Variants in PKNOX1 observed in about 807,000 individuals in gnomAD.
PKNOX1 encodes PBX/knotted 1 homeobox 1, also known as homeobox protein PKNOX1.
PKNOX1 carries 15 observed loss-of-function variants against 51.9 expected under a neutral mutation model. That is an observed-to-expected ratio of 0.29 (90% confidence interval 0.19 to 0.45). The LOEUF is 0.45. Ranked by LOEUF, PKNOX1 falls within the 20% of genes least tolerant of loss-of-function variation. PKNOX1 has a pLI of 1.00. For synonymous variants in PKNOX1, 219 were observed against 211.1 expected (o/e 1.04, Z -0.32); for missense variants, 462 against 547.5 (o/e 0.84, Z 1.56).
intron 4 of PKNOX1, among the ~76,000 whole-genome samples, chr21:43,011,416 G>A (rs940743305): frequency 3.9e-5 from 6 of 152,144 alleles, no homozygotes; most frequent in African/African-American, 1.4e-4. Flanking sequence ...CCTCCCCCCA[G>A]GGCCAGGGCT....
chr21:43,010,332 G>A (rs1201856303), intron 4 of PKNOX1, 108 bp downstream of exon 4: 4 of 588,954 alleles, frequency 6.8e-6, no homozygotes, highest in East Asian at 2.9e-5. Flanking sequence ...CTAAAGGAGA[G>A]ACTCATACAA....
intron 1 of PKNOX1, among the ~76,000 whole-genome samples, chr21:42,977,537 CTTTTTTTTTT>C (rs3044504): frequency 1.5e-4 from 7 of 47,158 alleles, no homozygotes; most frequent in East Asian, 7.7e-4. Context: ...CTGCTTCCAA[CTTTTTTTTTT>C]TTTTTTTTTT....
intron 10 of PKNOX1, 136 bp downstream of exon 10, chr21:43,029,010 A>G (rs1250576995): frequency 7.3e-6 from 6 of 825,186 alleles, no homozygotes; most frequent in Non-Finnish European, 1.2e-5. Context: ...TTTCTCTGCA[A>G]CTAAAACATG....
At chr21:43,004,577 C>CA in intron 2 of PKNOX1, 145 bp downstream of exon 2, 1 of 499,246 alleles carries the variant, frequency 2.0e-6, no homozygotes. Context: ...CATTCGTGTT[C>CA]AGAAAAAAAG....
chr21:42,980,829 T>C (rs1000191057), intron 1 of PKNOX1, among the ~76,000 whole-genome samples: 2 of 152,214 alleles, frequency 1.3e-5, no homozygotes, highest in East Asian at 1.9e-4. Context: ...CTCCAGGGCT[T>C]ATTGTCTGCC....
intron 5 of PKNOX1, among the ~76,000 whole-genome samples, chr21:43,016,128 G>A (rs950874039): frequency 2.0e-5 from 3 of 152,182 alleles, no homozygotes; most frequent in Non-Finnish European, 2.9e-5. Flanking sequence ...CCTTGGGGTG[G>A]CGTCCCCTTA....
intron 1 of PKNOX1, 114 bp from the exon 2 acceptor site, chr21:43,004,211 TG>T (rs1978887983): frequency 1.9e-6 from 1 of 518,698 alleles, no homozygotes; most frequent in Non-Finnish European, 3.6e-6. Flanking sequence ...CACTCCAGCC[TG>T]GGCAACAAGA....
At chr21:43,028,039 G>A (rs1980058778) in intron 9 of PKNOX1, among the ~76,000 whole-genome samples, 1 of 152,260 alleles carries the variant, frequency 6.6e-6, no homozygotes, top group African/African-American at 2.4e-5. Flanking sequence ...GTCTGTCGGG[G>A]ATTTCATCAC....
At chr21:43,019,264 T>C (rs1979646834) in intron 7 of PKNOX1, among the ~76,000 whole-genome samples, 1 of 145,370 alleles carries the variant, frequency 6.9e-6, no homozygotes, top group Non-Finnish European at 1.5e-5. Context: ...GTCGGGTGCA[T>C]GTCTATAATC....
At chr21:43,018,595 C>A (rs1979618185) in intron 7 of PKNOX1, among the ~76,000 whole-genome samples, 1 of 150,988 alleles carries the variant, frequency 6.6e-6, no homozygotes, top group South Asian at 2.1e-4. Flanking sequence ...GCACACACTC[C>A]CCAGGGTCCC....
intron 1 of PKNOX1, among the ~76,000 whole-genome samples, chr21:42,981,683 C>T (rs2059026816): frequency 6.6e-6 from 1 of 152,078 alleles, no homozygotes; most frequent in Admixed American, 6.6e-5. Flanking sequence ...CCACAGCCCC[C>T]AAAGTAGCTG....
intron 1 of PKNOX1, among the ~76,000 whole-genome samples, chr21:42,976,923 C>T (rs2059000300): frequency 6.6e-6 from 1 of 152,192 alleles, no homozygotes; most frequent in South Asian, 2.1e-4. Flanking sequence ...AAATGTATTT[C>T]TTAAATAATT....
intron 1 of PKNOX1, among the ~76,000 whole-genome samples, chr21:42,990,385 A>T (rs923501001): frequency 6.6e-6 from 1 of 152,224 alleles, no homozygotes; most frequent in Non-Finnish European, 1.5e-5. Flanking sequence ...CATCCTTAGC[A>T]AGTGAAAAAA....
At chr21:42,981,553 TTTAATTTTAA>T (rs151212889) in intron 1 of PKNOX1, among the ~76,000 whole-genome samples, 5,774 of 152,190 alleles carry the variant, frequency 0.038, 139 homozygotes, top group Middle Eastern at 0.062. Flanking sequence ...ATTTATTTTA[TTTAATTTTAA>T]TTTTATTTTA....
Position 43,007,624 on chromosome 21 carries a change from GC to G in PKNOX1, c.179+9del, listed in dbSNP as rs778662682. On this transcript the variant is annotated splice_region_variant and intron_variant, in intron 3 of 10. Transcript: ENST00000291547. The stretch of plus-strand genomic sequence containing the variant: ...GACAAGCAGGCCATTTATAGGTAGT[GC>G]CCGGGGTGCCGGCTGTGGGGGCCTC... 1 of 1,614,080 alleles carries G rather than the reference GC, an allele frequency of 6.2e-7. No homozygotes were observed. The highest frequency in any genetic ancestry group is 1.1e-5 in the South Asian group (1 of 91,076).
intron 1 of PKNOX1, among the ~76,000 whole-genome samples, chr21:42,977,355 C>T (rs1488375857): frequency 6.6e-6 from 1 of 152,106 alleles, no homozygotes; most frequent in Non-Finnish European, 1.5e-5. Flanking sequence ...CAAAGGAAGT[C>T]TTTTGTCTAT....
intron 2 of PKNOX1, among the ~76,000 whole-genome samples, chr21:43,006,586 A>G (rs998376278): frequency 6.6e-6 from 1 of 152,232 alleles, no homozygotes; most frequent in Non-Finnish European, 1.5e-5. Flanking sequence ...TCTTATTGCA[A>G]AAACAAGACA....
chr21:43,007,400 A>G lies in PKNOX1; in HGVS notation c.52-91A>G, dbSNP rs561646382. 34 of 1,207,938 alleles carry G rather than the reference A, an allele frequency of 2.8e-5. No individual in the cohort carries two copies. The African/African-American group carries it at 4.2e-4, about 15-fold the overall frequency. 74.8% of individuals were successfully genotyped at this position (1,207,938 alleles called of 1,614,324 possible). ...ATTGCAGTCATACTGCTGTCTGGCA[A>G]TTCCCCACTCCAACTGCATTCCTGT... On this transcript the variant is annotated intron_variant, in intron 2 of 10. Coordinates refer to ENST00000291547, the MANE Select transcript of PKNOX1 (RefSeq NM_004571.5).
At chr21:42,992,531 C>T (rs956364667) in intron 1 of PKNOX1, among the ~76,000 whole-genome samples, 2 of 152,218 alleles carry the variant, frequency 1.3e-5, no homozygotes, top group Non-Finnish European at 2.9e-5. Flanking sequence ...CGTCTCTCCT[C>T]CAGGATGTCT....
Sources: gnomAD v4.1 joint callset for allele counts (sites outside exome capture counted in the v4.1 genomes callset) on GRCh38, gnomAD v4.1.1 for gene constraint, MANE v1.5 for transcripts, NCBI Gene and HGNC (gene_info 2026-07-23, HGNC 2026-07-21) for gene names.